The following NRXN1 variants were observed in gnomAD, a reference collection of about 807,000 sequenced individuals.
NRXN1 encodes the protein neurexin-1.
In NRXN1, 39 loss-of-function variants were observed where a neutral mutation model predicts 150.9. That is an observed-to-expected ratio of 0.26 (90% CI 0.20 to 0.34). The LOEUF (loss-of-function observed/expected upper bound fraction) is 0.34, where lower values mean the gene tolerates loss of function less well. NRXN1 is among the 10% of genes least tolerant of loss of function. The probability of loss-of-function intolerance (pLI) is 1.00; values close to 1 mark genes in which losing one functional copy is unlikely to be tolerated. For missense variants in NRXN1, 1,815 were observed against 1,949.9 expected (o/e 0.93, Z 1.30); for synonymous variants, 924 against 757.0 (o/e 1.22, Z -3.62).
chr2:50,313,081 G>A (rs985935350), intron 17 of NRXN1, among the ~76,000 whole-genome samples: 4 of 152,052 alleles, frequency 2.6e-5, no homozygotes, highest in African/African-American at 9.7e-5. Context: ...CAAGAAGAGA[G>A]TGATATTTCT....
chr2:50,483,113 CCTCTGG>C (rs111368514), intron 15 of NRXN1, among the ~76,000 whole-genome samples: 8,083 of 150,350 alleles, frequency 0.054, 774 homozygotes, highest in African/African-American at 0.19. Context: ...ATGAAAGTCA[CCTCTGG>C]TCATGCTCAC....
At chr2:50,220,771 G>T (rs1354707335) in intron 18 of NRXN1, among the ~76,000 whole-genome samples, 1 of 151,904 alleles carries the variant, frequency 6.6e-6, no homozygotes, top group Non-Finnish European at 1.5e-5. Context: ...AGCAATTAAA[G>T]GATTGGAAAA....
At position 50,932,658 on chromosome 2, in the gene NRXN1, C is replaced by T. The variant is rs866945304; in HGVS notation, c.773-6703G>A. Among the ~76,000 whole-genome samples, 18 of 152,166 alleles carry T rather than the reference C, an allele frequency of 1.2e-4. No homozygotes were observed. The Middle Eastern group carries it at 0.01, about 86-fold the overall frequency. On this transcript the variant is annotated intron_variant, in intron 2 of 22. Coordinates refer to ENST00000401669, the MANE Select transcript of NRXN1 (RefSeq NM_001330078.2). ...ACTGCTCGGGTGATGGGTGCACCAA[C>T]GTCTCAGAAATCGCCACTAAAGAAC...
At chr2:50,408,041 C>T (rs996593418) in intron 17 of NRXN1, among the ~76,000 whole-genome samples, 1 of 152,072 alleles carries the variant, frequency 6.6e-6, no homozygotes, top group African/African-American at 2.4e-5. Flanking sequence ...TGTTGTCCTT[C>T]CAATATTTAT....
At chr2:50,475,995 A>G (rs532133236) in intron 15 of NRXN1, among the ~76,000 whole-genome samples, 1 of 152,226 alleles carries the variant, frequency 6.6e-6, no homozygotes, top group Non-Finnish European at 1.5e-5. Context: ...AACCAGTAAA[A>G]GCCAACTTTC....
chr2:50,303,748 T>C (rs952139531), intron 17 of NRXN1, among the ~76,000 whole-genome samples: 1 of 152,204 alleles, frequency 6.6e-6, no homozygotes, highest in Non-Finnish European at 1.5e-5. Context: ...TAGAGCTTAA[T>C]CACCTCTAGA....
intron 21 of NRXN1, among the ~76,000 whole-genome samples, chr2:49,976,181 C>A (rs1678952506): frequency 7.4e-6 from 1 of 135,942 alleles, no homozygotes; most frequent in Non-Finnish European, 1.6e-5. Flanking sequence ...TGCCACCACG[C>A]CCAGCTAATT....
At chr2:50,086,326 G>A (rs1698768522) in intron 19 of NRXN1, among the ~76,000 whole-genome samples, 1 of 152,090 alleles carries the variant, frequency 6.6e-6, no homozygotes, top group Non-Finnish European at 1.5e-5. Flanking sequence ...GGAATTTAGG[G>A]TAATAATATG....
At chr2:50,278,287 TAC>T (rs1349967224) in intron 17 of NRXN1, among the ~76,000 whole-genome samples, 4 of 84,814 alleles carry the variant, frequency 4.7e-5, no homozygotes, top group Non-Finnish European at 9.1e-5. Flanking sequence ...ATATATATAA[TAC>T]ATATATAATA....
intron 22 of NRXN1, among the ~76,000 whole-genome samples, chr2:49,922,513 A>G (rs962955569): frequency 6.6e-6 from 1 of 152,260 alleles, no homozygotes. Flanking sequence ...CATTGTCCCA[A>G]ATAAACTCCA....
Position 50,497,380 on chromosome 2 carries a change from A to G in NRXN1, c.2832T>C (p.Tyr944=). 6.3e-7 allele frequency: 1 copy of G among 1,578,088 alleles called. No homozygotes were observed. Among genetic ancestry groups the G allele is most frequent in the Non-Finnish European group, 8.6e-7 (1 of 1,160,714 alleles). ...KTTSLDGLIL[Y]NSGDGNDFIV... ...TAAAGTCATTTCCATCCCCACTGTT[A>G]TATAGAATTAATCCATCTAGGGATG... Residue 944 remains tyrosine (Y), a synonymous_variant, in exon 14 of 23, where the codon TAT becomes TAC. Transcript: ENST00000401669.
intron 17 of NRXN1, among the ~76,000 whole-genome samples, chr2:50,305,601 A>G (rs1038652045): frequency 2.0e-5 from 3 of 152,212 alleles, no homozygotes; most frequent in East Asian, 1.9e-4. Flanking sequence ...TAAATATCCA[A>G]TGCCCCAAAT....
At chr2:50,879,987 A>G (rs1679187503) in intron 5 of NRXN1, among the ~76,000 whole-genome samples, 1 of 151,928 alleles carries the variant, frequency 6.6e-6, no homozygotes, top group Non-Finnish European at 1.5e-5. Flanking sequence ...ACTGAATTAA[A>G]GATGCCTCTT....
At chr2:50,050,801 C>T (rs973424365) in intron 21 of NRXN1, among the ~76,000 whole-genome samples, 2 of 151,840 alleles carry the variant, frequency 1.3e-5, no homozygotes, top group African/African-American at 2.4e-5. Flanking sequence ...TTTCCCCATA[C>T]ATACATGTGT....
intron 5 of NRXN1, among the ~76,000 whole-genome samples, chr2:50,691,283 G>A (rs1692031738): frequency 6.6e-6 from 1 of 152,052 alleles, no homozygotes; most frequent in South Asian, 2.1e-4. Context: ...ACATAGAACT[G>A]GGCTTGCATA....
At chr2:50,184,896 A>T (rs2060965829) in intron 18 of NRXN1, among the ~76,000 whole-genome samples, 1 of 152,106 alleles carries the variant, frequency 6.6e-6, no homozygotes, top group Non-Finnish European at 1.5e-5. Context: ...CCAAGGTCCC[A>T]TAGCTAGTAA....
chr2:50,422,806 A>G (rs1015452852), intron 17 of NRXN1, among the ~76,000 whole-genome samples: 1 of 152,200 alleles, frequency 6.6e-6, no homozygotes, highest in Non-Finnish European at 1.5e-5. Flanking sequence ...CAGCTCATAG[A>G]AGAAATATAC....
intron 17 of NRXN1, among the ~76,000 whole-genome samples, chr2:50,387,869 A>G (rs968598046): frequency 6.6e-6 from 1 of 152,194 alleles, no homozygotes; most frequent in African/African-American, 2.4e-5. Flanking sequence ...ATTTTATAAC[A>G]TTTTACAAAA....
intron 18 of NRXN1, among the ~76,000 whole-genome samples, chr2:50,129,469 T>C (rs1428822699): frequency 6.6e-6 from 1 of 152,200 alleles, no homozygotes; most frequent in East Asian, 1.9e-4. Flanking sequence ...TGTGAGTTTA[T>C]ATAGGATTAC....
Sources: allele counts gnomAD v4.1 joint callset (sites outside exome capture counted in the v4.1 genomes callset), GRCh38; gene constraint gnomAD v4.1.1; transcripts MANE v1.5; gene names NCBI Gene and HGNC (gene_info 2026-07-23, HGNC 2026-07-21).